The following LGALS13 variants were observed in gnomAD, a reference collection of about 807,000 sequenced individuals.
LGALS13 encodes galactoside-binding soluble lectin 13.
A neutral mutation model predicts 13.2 loss-of-function variants in LGALS13; 11 were observed. The observed-to-expected ratio is 0.83, with a 90% CI of 0.52 to 1.38. LGALS13 has a LOEUF of 1.38. LGALS13 is among the 40% of genes most tolerant of loss of function. The pLI is 0.00. For synonymous variants in LGALS13, 71 were observed against 63.7 expected (o/e 1.11, Z -0.54); for missense variants, 183 against 174.3 (o/e 1.05, Z -0.28).
intron 3 of LGALS13, among the ~76,000 whole-genome samples, chr19:39,605,716 T>TA (rs542859210): frequency 2.4e-4 from 36 of 149,584 alleles, no homozygotes; most frequent in African/African-American, 7.1e-4. Context: ...AAAAAAAGTT[T>TA]AAAAAAAAAA....
chr19:39,603,715 G>C (rs1972636543), intron 1 of LGALS13, among the ~76,000 whole-genome samples: 1 of 152,068 alleles, frequency 6.6e-6, no homozygotes, highest in Non-Finnish European at 1.5e-5. Context: ...CTGGCAGAGA[G>C]GCAGGTACCT....
At chr19:39,604,571 C>A (rs370235236) in intron 1 of LGALS13, 31 bp from the exon 2 acceptor site, 1 of 1,612,160 alleles carries the variant, frequency 6.2e-7, no homozygotes, top group Non-Finnish European at 8.5e-7. Context: ...CCTGACCCTG[C>A]ACCTCTCACT....
chr19:39,606,095 A>G (rs908147126), intron 3 of LGALS13, among the ~76,000 whole-genome samples: 2 of 152,128 alleles, frequency 1.3e-5, no homozygotes, highest in African/African-American at 4.8e-5. Context: ...TATCTGCCCA[A>G]TTTGGCCTCT....
chr19:39,604,051 G>A, intron 1 of LGALS13: 1 of 871,248 alleles, frequency 1.1e-6, no homozygotes, highest in Non-Finnish European at 1.4e-6. Flanking sequence ...GGGGTTTCCT[G>A]TTCTTTCATC....
chr19:39,604,657 G>A lies in LGALS13; in HGVS notation c.71G>A (p.Gly24Glu), dbSNP rs751763395. The stretch of plus-strand genomic sequence containing the variant: ...GTTGGTTCCTGCGTGATAATCAAAG[G>A]GACACCAATCCACTCTTTTATGTGA... ...LSVGSCVIIK[G>E]TPIHSFINDP... Residue 24 changes from glycine (G) to glutamate (E), a missense_variant, in exon 2 of 4, where the codon GGG becomes GAG. Transcript: ENST00000221797. 2.5e-6 allele frequency: 4 copies of A among 1,614,150 alleles called. No homozygotes were observed. Among genetic ancestry groups the A allele is most frequent in the Non-Finnish European group, 2.5e-6 (3 of 1,180,032 alleles).
At chr19:39,603,439 A>G (rs1336242883) in intron 1 of LGALS13, among the ~76,000 whole-genome samples, 1 of 151,854 alleles carries the variant, frequency 6.6e-6, no homozygotes, top group Non-Finnish European at 1.5e-5. Flanking sequence ...CCGTGATTTC[A>G]GAGACTGAAT....
In LGALS13 at chr19:39,605,218, G is replaced by C. The variant is rs775894286; in HGVS notation, c.133G>C (p.Asp45His). 2 of 1,614,254 alleles carry C rather than the reference G, an allele frequency of 1.2e-6. No homozygotes were observed. Among genetic ancestry groups the C allele is most frequent in the Admixed American group, 3.3e-5 (2 of 60,032 alleles). ...QLQVDFYTDMDEDSDIAFRFR... is the reference protein window; with the variant it reads ...QLQVDFYTDMHEDSDIAFRFR... ...GCAGGTGGATTTCTACACTGACATG[G>C]ATGAGGATTCAGATATTGCCTTCCG... Residue 45 changes from aspartate to histidine, a missense_variant, in exon 3 of 4, where the codon GAT (aspartate) becomes CAT (histidine). By Grantham distance (81) the Asp-to-His change is moderately conservative. Transcript: ENST00000221797.
intron 3 of LGALS13, 73 bp downstream of exon 3, chr19:39,605,461 GGC>G (rs1280359878): frequency 5.7e-6 from 7 of 1,235,330 alleles, no homozygotes; most frequent in Non-Finnish European, 8.3e-6. Flanking sequence ...TCATTGATCT[GGC>G]CTCAGTAGTC....
intron 2 of LGALS13, 119 bp downstream of exon 2, chr19:39,604,797 G>A (rs1972657604): frequency 7.9e-7 from 1 of 1,259,470 alleles, no homozygotes; most frequent in Non-Finnish European, 1.2e-6. Context: ...GCCCCATGCA[G>A]GTGCAGGTCT....
At chr19:39,603,759 T>C (rs993214829) in intron 1 of LGALS13, among the ~76,000 whole-genome samples, 1 of 152,088 alleles carries the variant, frequency 6.6e-6, no homozygotes, top group African/African-American at 2.4e-5. Context: ...AGCAGATGTG[T>C]GAGATTCACT....
At chr19:39,604,540 G>A in intron 1 of LGALS13, 62 bp from the exon 2 acceptor site, 3 of 1,576,196 alleles carry the variant, frequency 1.9e-6, no homozygotes, top group Admixed American at 3.3e-5. Flanking sequence ...ATGAGAATAT[G>A]TTACAGGAGG....
At chr19:39,606,122 C>T (rs771608433) in intron 3 of LGALS13, among the ~76,000 whole-genome samples, 1 of 152,196 alleles carries the variant, frequency 6.6e-6, no homozygotes, top group Non-Finnish European at 1.5e-5. Flanking sequence ...AATGGGATTA[C>T]AGGCTTAAGC....
At chr19:39,603,078 T>G (rs1459707706) in intron 1 of LGALS13, among the ~76,000 whole-genome samples, 1 of 152,168 alleles carries the variant, frequency 6.6e-6, no homozygotes, top group African/African-American at 2.4e-5. Flanking sequence ...AGTGGGATCA[T>G]GCATGTGGCT....
At chr19:39,607,202 G>T in intron 3 of LGALS13, 21 bp from the exon 4 acceptor site, 1 of 1,575,828 alleles carries the variant, frequency 6.3e-7, no homozygotes. Flanking sequence ...CTTTCTTTCT[G>T]ATGCATTTTT....
rs1291087012 is a variant in LGALS13 at position 39,604,636 on chromosome 19, G to T, written c.50G>T (p.Gly17Val). 6.2e-7 allele frequency: 1 copy of T among 1,614,192 alleles called. No homozygotes were observed. Among genetic ancestry groups the T allele is most frequent in the Admixed American group, 1.7e-5 (1 of 60,018 alleles). ...AAACTGCCTGTGTCTTTGTCTGTTG[G>T]TTCCTGCGTGATAATCAAAGGGACA... ...PYKLPVSLSV[G>V]SCVIIKGTPI... The change falls in exon 2 of 4, where the codon GGT becomes GTT. Residue 17 changes from glycine (G) to valine (V), a missense_variant. Transcript: ENST00000221797.
In LGALS13 at chr19:39,607,392, T is replaced by C; in HGVS notation, c.*53T>C. 5.0e-6 allele frequency: 6 copies of C among 1,192,606 alleles called. No individual in the cohort carries two copies. The highest frequency in any genetic ancestry group is 3.6e-5 in the South Asian group (3 of 82,754). The allele number at this position is 1,192,606 out of a possible 1,614,324, so 73.9% of individuals were successfully genotyped here. On this transcript the variant is annotated 3_prime_UTR_variant, in exon 4 of 4. Coordinates refer to ENST00000221797, the MANE Select transcript of LGALS13 (RefSeq NM_013268.3). ...AGGAATCCCTCTTTCTACCTGACCATGGGATTCCCAGAACCTGCTAACAGA... is the reference window on the plus strand; with the variant it reads ...AGGAATCCCTCTTTCTACCTGACCACGGGATTCCCAGAACCTGCTAACAGA...
In LGALS13 at chr19:39,604,587, T is replaced by A; in HGVS notation, c.16-15T>A. The A allele has an allele frequency of 6.2e-7, 1 of 1,614,020 alleles. No individual in the cohort carries two copies. Among genetic ancestry groups the A allele is most frequent in the Admixed American group, 1.7e-5 (1 of 60,022 alleles). On this transcript the variant is annotated splice_polypyrimidine_tract_variant and intron_variant, in intron 1 of 3. Transcript: ENST00000221797. ...CTGACCCTGCACCTCTCACTTACTC[T>A]CAATACTCTGGCAGGTGCCATACAA...
intron 3 of LGALS13, among the ~76,000 whole-genome samples, chr19:39,605,949 C>T (rs1158678468): frequency 6.6e-6 from 1 of 152,168 alleles, no homozygotes; most frequent in African/African-American, 2.4e-5. Context: ...TGGATTCAAA[C>T]AATTCTCTCG....
At chr19:39,604,732 G>A (rs1007584446) in intron 2 of LGALS13, 54 bp downstream of exon 2, 28 of 1,601,260 alleles carry the variant, frequency 1.7e-5, no homozygotes, top group South Asian at 5.5e-5. Context: ...GAATATTTGC[G>A]AAGATTTGAC....
Sources: allele counts gnomAD v4.1 joint callset (sites outside exome capture counted in the v4.1 genomes callset), GRCh38; gene constraint gnomAD v4.1.1; transcripts MANE v1.5; gene names NCBI Gene and HGNC (gene_info 2026-07-23, HGNC 2026-07-21).